NUBPL: variants seen among roughly 807,000 people sequenced by gnomAD.
NUBPL encodes the protein NUBP iron-sulfur cluster assembly factor, mitochondrial, also known as iron-sulfur cluster transfer protein NUBPL.
Under a neutral mutation model 45.7 loss-of-function variants are expected in NUBPL, and 31 were observed. That is an observed-to-expected ratio of 0.68 (90% CI 0.51 to 0.92). The LOEUF is 0.92. Ranked by LOEUF, NUBPL falls within the 40% of genes least tolerant of loss-of-function variation. The pLI, the probability that NUBPL is intolerant of heterozygous loss-of-function variation, is 0.00. For missense variants in NUBPL, 401 were observed against 398.7 expected, an observed-to-expected ratio of 1.01 and a Z score of -0.05; for synonymous variants, 144 against 140.9, an observed-to-expected ratio of 1.02 and a Z score of -0.15.
At chr14:31,812,747 G>A (rs1595666756) in intron 7 of NUBPL, among the ~76,000 whole-genome samples, 1 of 152,124 alleles carries the variant, frequency 6.6e-6, no homozygotes, top group East Asian at 1.9e-4. Context: ...GACCGGAGCT[G>A]TTCCTATTCG....
chr14:31,668,727 C>T (rs376218424), intron 4 of NUBPL, among the ~76,000 whole-genome samples: 10 of 152,276 alleles, frequency 6.6e-5, no homozygotes, highest in South Asian at 2.1e-4. Context: ...TTGCAAAAAC[C>T]GTAGGAAAAG....
At chr14:31,704,635 C>T (rs933981299) in intron 6 of NUBPL, among the ~76,000 whole-genome samples, 3 of 151,984 alleles carry the variant, frequency 2.0e-5, no homozygotes, top group African/African-American at 7.3e-5. Context: ...TGCACTCCAG[C>T]TCTAGGCAAC....
chr14:31,585,443 A>G (rs1039365377), intron 3 of NUBPL, among the ~76,000 whole-genome samples: 3 of 152,178 alleles, frequency 2.0e-5, no homozygotes, highest in African/African-American at 7.2e-5. Context: ...TATCGATTTC[A>G]TCAGTCGATG....
chr14:31,834,526 G>A lies in NUBPL; in HGVS notation c.693+7812G>A, dbSNP rs550784174. ...ATTTGTAAAGGTTAAGGATTATATT[G>A]TTTACTTAGAAAAATTAGACGATCT... is the stretch of plus-strand genomic sequence containing the variant. On this transcript the variant is annotated intron_variant, in intron 8 of 10. Coordinates refer to ENST00000281081, the MANE Select transcript of NUBPL (RefSeq NM_025152.3). Among the ~76,000 whole-genome samples the A allele has an allele frequency of 4.6e-5, 7 of 152,190 alleles. No individual in the cohort carries two copies. In the East Asian group the frequency reaches 1.4e-3, roughly 29 times the overall value.
At chr14:31,675,708 A>G (rs993378887) in intron 6 of NUBPL, among the ~76,000 whole-genome samples, 2 of 152,194 alleles carry the variant, frequency 1.3e-5, no homozygotes, top group Non-Finnish European at 2.9e-5. Context: ...GGTCATTCTG[A>G]TATCCTGAAC....
chr14:31,790,945 G>A (rs545300099), intron 7 of NUBPL, among the ~76,000 whole-genome samples: 167 of 151,876 alleles, frequency 1.1e-3, no homozygotes, highest in African/African-American at 3.5e-3. Flanking sequence ...TTACATTAAA[G>A]GAAGACCAAG....
At position 31,734,879 on chromosome 14, in the gene NUBPL, G is replaced by A. The variant is rs552624756; in HGVS notation, c.514-52901G>A. On this transcript the variant is annotated intron_variant, in intron 6 of 10. Coordinates refer to ENST00000281081, the MANE Select transcript of NUBPL (RefSeq NM_025152.3). ...CCTGTATGGTCTTTGTAGATCTGGC[G>A]TTTAACCTCCAGGTTATAACCAAGA... Among the ~76,000 whole-genome samples, 10 of 152,116 alleles carry A rather than the reference G, an allele frequency of 6.6e-5. 1 individual carries two copies. In the East Asian group the frequency reaches 1.7e-3, roughly 26 times the overall value.
chr14:31,742,232 TTG>T (rs1258000921), intron 6 of NUBPL, among the ~76,000 whole-genome samples: 5 of 122,764 alleles, frequency 4.1e-5, no homozygotes, highest in Non-Finnish European at 8.4e-5. Flanking sequence ...ATTTTAACTA[TTG>T]TGTACACACA....
At chr14:31,700,929 G>A (rs2037322051) in intron 6 of NUBPL, among the ~76,000 whole-genome samples, 1 of 152,196 alleles carries the variant, frequency 6.6e-6, no homozygotes, top group African/African-American at 2.4e-5. Context: ...GGGCTGAGGA[G>A]TGCAGGTGCG....
At chr14:31,616,410 G>A (rs529517225) in intron 4 of NUBPL, among the ~76,000 whole-genome samples, 28 of 151,958 alleles carry the variant, frequency 1.8e-4, no homozygotes, top group African/African-American at 5.8e-4. Context: ...TAGGTCTTAC[G>A]TTTAAGTCTT....
intron 6 of NUBPL, among the ~76,000 whole-genome samples, chr14:31,773,979 C>G (rs1372657080): frequency 6.6e-6 from 1 of 152,200 alleles, no homozygotes; most frequent in Non-Finnish European, 1.5e-5. Flanking sequence ...GCTACCTGGA[C>G]ACAGCCCACT....
intron 7 of NUBPL, among the ~76,000 whole-genome samples, chr14:31,809,734 G>C (rs1208499691): frequency 6.6e-6 from 1 of 152,164 alleles, no homozygotes; most frequent in Non-Finnish European, 1.5e-5. Flanking sequence ...GATCTTCCCT[G>C]CTTTCTCTTG....
At chr14:31,839,231 T>G (rs1020803396) in intron 8 of NUBPL, among the ~76,000 whole-genome samples, 10 of 152,188 alleles carry the variant, frequency 6.6e-5, no homozygotes, top group Admixed American at 5.9e-4. Flanking sequence ...GCACAAATTA[T>G]AGCTCAATGA....
chr14:31,673,931 A>G (rs1399689724), intron 6 of NUBPL, among the ~76,000 whole-genome samples: 1 of 152,224 alleles, frequency 6.6e-6, no homozygotes, highest in Non-Finnish European at 1.5e-5. Context: ...AGGGCAGTGT[A>G]GAAATTCTAC....
intron 3 of NUBPL, among the ~76,000 whole-genome samples, chr14:31,574,236 A>G (rs2033660236): frequency 6.6e-6 from 1 of 151,740 alleles, no homozygotes. Flanking sequence ...ATTGCAAAAT[A>G]AATCAGTGCA....
intron 6 of NUBPL, among the ~76,000 whole-genome samples, chr14:31,715,525 A>G (rs761250391): frequency 1.3e-5 from 2 of 152,236 alleles, no homozygotes; most frequent in Non-Finnish European, 2.9e-5. Flanking sequence ...ATTGAACAGC[A>G]TGTTATTGTA....
chr14:31,636,386 A>G (rs2139679233), intron 4 of NUBPL, among the ~76,000 whole-genome samples: 1 of 152,256 alleles, frequency 6.6e-6, no homozygotes, highest in Non-Finnish European at 1.5e-5. Context: ...TATATGCTGG[A>G]TTACATTTAT....
At chr14:31,738,276 G>A (rs1273429573) in intron 6 of NUBPL, among the ~76,000 whole-genome samples, 2 of 152,152 alleles carry the variant, frequency 1.3e-5, no homozygotes, top group Non-Finnish European at 2.9e-5. Context: ...TATTTGGAGG[G>A]CAGAGATAAG....
chr14:31,639,071 C>T (rs1199088561), intron 4 of NUBPL, among the ~76,000 whole-genome samples: 3 of 152,108 alleles, frequency 2.0e-5, no homozygotes, highest in African/African-American at 7.2e-5. Context: ...TGTCTGAAGC[C>T]TTCTTCTCTC....
Sources: allele counts gnomAD v4.1 joint callset (sites outside exome capture counted in the v4.1 genomes callset), GRCh38; gene constraint gnomAD v4.1.1; transcripts MANE v1.5; gene names NCBI Gene and HGNC (gene_info 2026-07-23, HGNC 2026-07-21).